BBS5: variants seen among roughly 807,000 people sequenced by gnomAD.
BBS5 encodes the protein BBSome complex member BBS5.
Under a neutral mutation model 50.2 loss-of-function variants are expected in BBS5, and 39 were observed. That is an observed-to-expected ratio of 0.78 (90% CI 0.60 to 1.01). BBS5 has a LOEUF of 1.01. Ranked by LOEUF, BBS5 falls within the 50% of genes least tolerant of loss-of-function variation. BBS5 has a pLI of 0.00. For missense variants in BBS5, 356 were observed against 401.5 expected (o/e 0.89, Z 0.97); for synonymous variants, 134 against 133.1 (o/e 1.01, Z -0.05).
intron 8 of BBS5, chr2:169,499,212 G>A: frequency 2.6e-6 from 1 of 387,052 alleles, no homozygotes; most frequent in Non-Finnish European, 4.7e-6. Flanking sequence ...TGCGTTGGGG[G>A]AATGGTGTTC....
chr2:169,493,089 T>G (rs1683630464), intron 6 of BBS5, 80 bp downstream of exon 6: 2 of 1,490,480 alleles, frequency 1.3e-6, no homozygotes, highest in Admixed American at 3.3e-5. Flanking sequence ...ATTTATATAG[T>G]CAATTCTAAT....
At chr2:169,488,544 AC>A (rs891154278) in intron 5 of BBS5, among the ~76,000 whole-genome samples, 5 of 151,950 alleles carry the variant, frequency 3.3e-5, no homozygotes, top group Admixed American at 1.3e-4. Context: ...TTGCTCACTC[AC>A]CCCCCAACCA....
At chr2:169,487,025 G>A in intron 2 of BBS5, 44 bp from the exon 3 acceptor site, 1 of 1,330,342 alleles carries the variant, frequency 7.5e-7, no homozygotes, top group Non-Finnish European at 1.1e-6. Flanking sequence ...TGCAAAAATG[G>A]GTTCTTATTT....
intron 5 of BBS5, among the ~76,000 whole-genome samples, chr2:169,489,494 C>T (rs112651521): frequency 0.081 from 12,187 of 149,822 alleles, 636 homozygotes; most frequent in South Asian, 0.22. Context: ...TTTTTAGAGA[C>T]GGGGTCTCAC....
At chr2:169,500,005 C>T (rs577363327) in intron 9 of BBS5, among the ~76,000 whole-genome samples, 1 of 152,308 alleles carries the variant, frequency 6.6e-6, no homozygotes, top group South Asian at 2.1e-4. Context: ...CTTAGTACTC[C>T]ACAATATAGC....
At chr2:169,489,810 T>C (rs1184784935) in intron 5 of BBS5, among the ~76,000 whole-genome samples, 3 of 147,986 alleles carry the variant, frequency 2.0e-5, no homozygotes, top group Non-Finnish European at 4.5e-5. Context: ...GGTTGACATT[T>C]TTCATATATT....
rs183836544 is a variant in BBS5, at chr2:169,492,671, G to C, written c.387-203G>C. Among the ~76,000 whole-genome samples the C allele has an allele frequency of 2.5e-4, 38 of 152,180 alleles. 2 individuals are homozygous for C. The highest frequency in any genetic ancestry group is 2.5e-3 in the Admixed American group (38 of 15,294). ...AGCCAGGAGTATCACTTGAGCCCAGGAGTTTGTGTCCGGCTTGGGCAAGGT... is the reference window on the plus strand; with the variant it reads ...AGCCAGGAGTATCACTTGAGCCCAGCAGTTTGTGTCCGGCTTGGGCAAGGT... On this transcript the variant is annotated intron_variant, in intron 5 of 11. Coordinates refer to ENST00000295240, the MANE Select transcript of BBS5 (RefSeq NM_152384.3).
rs763341917 is a variant in BBS5 at position 169,503,113 on chromosome 2, C to T, written c.835C>T (p.Leu279=). The change falls in exon 10 of 12, where the codon CTG becomes TTG. Residue 279 remains leucine, a synonymous_variant. Transcript: ENST00000295240. The stretch of plus-strand genomic sequence containing the variant: ...TTTTCAGCCCCAGCCGCTCGAAGCT[C>T]TGACAGTCGAACAAATTCAAGATGA... ...MEEKPQPLEA[L]TVEQIQDDVE... 1.2e-6 allele frequency: 2 copies of T among 1,613,948 alleles called. No individual in the cohort carries two copies. Among genetic ancestry groups the T allele is most frequent in the South Asian group, 1.1e-5 (1 of 91,054 alleles).
rs542528342 is a variant in BBS5, at chr2:169,505,942, C to T, written c.*1360C>T. 1,560 of 125,092 alleles carry T rather than the reference C, an allele frequency of 0.012. 34 individuals carry two copies. Among genetic ancestry groups the T allele is most frequent in the African/African-American group, 0.04 (1,486 of 36,982 alleles). 7.7% of individuals were successfully genotyped at this position (125,092 alleles called of 1,614,324 possible). ...CCTCTGCCCCGCCAGCCACCCCGTC[C>T]GGGAGGGAGGTGGGGGGGTCAGCCC... On this transcript the variant is annotated 3_prime_UTR_variant, in exon 12 of 12. Transcript: ENST00000295240.
At position 169,492,821 on chromosome 2, in the gene BBS5, C is replaced by T. The variant is rs1032548220; in HGVS notation, c.387-53C>T. The T allele has an allele frequency of 3.5e-5, 53 of 1,533,776 alleles. No homozygotes were observed. The African/African-American group carries it at 6.9e-4, about 20-fold the overall frequency. ...CATATTTTAGTAAGTAAACATAACC[C>T]AAGAAAATCACATTTTCAGTTTGAG... is the stretch of plus-strand genomic sequence containing the variant. On this transcript the variant is annotated intron_variant, in intron 5 of 11. Transcript: ENST00000295240.
At chr2:169,479,729 A>G in intron 1 of BBS5, 117 bp downstream of exon 1, 3 of 1,189,852 alleles carry the variant, frequency 2.5e-6, no homozygotes, top group South Asian at 2.6e-5. Flanking sequence ...TGAGGGTGGG[A>G]GGCTTGCGCC....
chr2:169,499,717 G>GTTT, intron 9 of BBS5, 97 bp downstream of exon 9: 1 of 1,297,574 alleles, frequency 7.7e-7, no homozygotes, highest in Non-Finnish European at 1.1e-6. Flanking sequence ...ATTTTGAACT[G>GTTT]TTTTTAAAAT....
intron 5 of BBS5, 102 bp downstream of exon 5, chr2:169,488,216 G>C: frequency 8.5e-7 from 1 of 1,179,732 alleles, no homozygotes; most frequent in East Asian, 2.4e-5. Flanking sequence ...CAGTTTCATG[G>C]AAGACAGTTT....
chr2:169,493,073 C>T, intron 6 of BBS5, 64 bp downstream of exon 6: 2 of 1,563,098 alleles, frequency 1.3e-6, no homozygotes, highest in Non-Finnish European at 1.8e-6. Context: ...TTCCATTCAT[C>T]ATTGGATTTA....
At chr2:169,494,563 A>T (rs1399360483) in intron 7 of BBS5, among the ~76,000 whole-genome samples, 1 of 152,070 alleles carries the variant, frequency 6.6e-6, no homozygotes. Flanking sequence ...TTTAAAAAAA[A>T]AAAAAACTAT....
At chr2:169,482,141 A>AT (rs2105291649) in intron 1 of BBS5, 110 bp from the exon 2 acceptor site, 1 of 772,584 alleles carries the variant, frequency 1.3e-6, no homozygotes, top group East Asian at 2.5e-5. Flanking sequence ...TTGGTACAGT[A>AT]TTATTTATGC....
intron 9 of BBS5, among the ~76,000 whole-genome samples, chr2:169,499,924 G>A (rs1319318976): frequency 1.3e-5 from 2 of 152,154 alleles, no homozygotes; most frequent in African/African-American, 4.8e-5. Context: ...CACTCTGTCA[G>A]ATTTTTATTT....
In BBS5 at chr2:169,505,483, C is replaced by T. The variant is rs539394855; in HGVS notation, c.*901C>T. On this transcript the variant is annotated 3_prime_UTR_variant, in exon 12 of 12. Transcript: ENST00000295240. ...CTGGAAAGTGAGGAGCGTCTCTGCCCGGCCGCCATCCCATCTAGGAAGTGA... is the reference window on the plus strand; with the variant it reads ...CTGGAAAGTGAGGAGCGTCTCTGCCTGGCCGCCATCCCATCTAGGAAGTGA... 84 of 310,552 alleles carry T rather than the reference C, an allele frequency of 2.7e-4. No homozygotes were observed. The highest frequency in any genetic ancestry group is 1.7e-3 in the African/African-American group (76 of 43,966). The allele number at this position is 310,552 out of a possible 1,614,324, so 19.2% of individuals were successfully genotyped here.
At chr2:169,480,480 A>T (rs1683369249) in intron 1 of BBS5, among the ~76,000 whole-genome samples, 2 of 152,078 alleles carry the variant, frequency 1.3e-5, no homozygotes, top group Non-Finnish European at 2.9e-5. Context: ...CTTAGATGGA[A>T]TCGTTCCTTA....
Sources: allele counts gnomAD v4.1 joint callset (sites outside exome capture counted in the v4.1 genomes callset), GRCh38; gene constraint gnomAD v4.1.1; transcripts MANE v1.5; gene names NCBI Gene and HGNC (gene_info 2026-07-23, HGNC 2026-07-21).